ZMIZ1: variants seen among roughly 807,000 people sequenced by gnomAD.
ZMIZ1 encodes zinc finger MIZ-type containing 1.
A neutral mutation model predicts 113.9 loss-of-function variants in ZMIZ1; 17 were observed. That is an observed-to-expected ratio of 0.15 (90% CI 0.10 to 0.22). The LOEUF is 0.22. Among genes scored for constraint, ZMIZ1 ranks in the 10% least tolerant of loss-of-function variants. The pLI, the probability that ZMIZ1 is intolerant of heterozygous loss-of-function variation, is 1.00. For missense variants in ZMIZ1, 1,059 were observed against 1,477.8 expected, an observed-to-expected ratio of 0.72 and a Z score of 4.65; for synonymous variants, 607 against 603.1, an observed-to-expected ratio of 1.01 and a Z score of -0.09.
chr10:79,077,729 T>C (rs1842522760), intron 1 of ZMIZ1, among the ~76,000 whole-genome samples: 1 of 152,232 alleles, frequency 6.6e-6, no homozygotes, highest in Non-Finnish European at 1.5e-5. Context: ...CTTCTCCGAC[T>C]TTGGTCTCCA....
chr10:79,073,956 T>C (rs1037593823), intron 1 of ZMIZ1, among the ~76,000 whole-genome samples: 1 of 152,092 alleles, frequency 6.6e-6, no homozygotes, highest in Non-Finnish European at 1.5e-5. Context: ...GAGCCCACAG[T>C]CCAGTGCCGG....
intron 12 of ZMIZ1, chr10:79,295,113 T>A (rs980558839): frequency 6.6e-6 from 1 of 152,168 alleles, no homozygotes; most frequent in Non-Finnish European, 1.5e-5. Context: ...TCAGGCCCCA[T>A]GCAGTTTCTA....
chr10:79,225,601 G>T (rs773532330), intron 7 of ZMIZ1, among the ~76,000 whole-genome samples: 1 of 152,088 alleles, frequency 6.6e-6, no homozygotes, highest in African/African-American at 2.4e-5. Context: ...GGGAGGTAAA[G>T]GGTGAAGGGG....
At chr10:79,298,641 A>G in intron 15 of ZMIZ1, 61 bp downstream of exon 15, 1 of 1,474,976 alleles carries the variant, frequency 6.8e-7, no homozygotes, top group Non-Finnish European at 9.2e-7. Context: ...GGCCGGGAGC[A>G]GGGGCTTCGC....
chr10:79,217,267 C>CA (rs1455829908), intron 7 of ZMIZ1, among the ~76,000 whole-genome samples: 1 of 151,812 alleles, frequency 6.6e-6, no homozygotes, highest in Non-Finnish European at 1.5e-5. Flanking sequence ...ACTAAAAATA[C>CA]AAAAAAAATT....
At chr10:79,311,509 C>G (rs985970511) in intron 24 of ZMIZ1, among the ~76,000 whole-genome samples, 3 of 152,188 alleles carry the variant, frequency 2.0e-5, no homozygotes, top group Non-Finnish European at 4.4e-5. Context: ...CGATGGTGAG[C>G]TTGCGGTTTC....
At chr10:79,147,130 C>T (rs772807808) in intron 3 of ZMIZ1, among the ~76,000 whole-genome samples, 2 of 152,142 alleles carry the variant, frequency 1.3e-5, no homozygotes, top group African/African-American at 2.4e-5. Flanking sequence ...CAGCGAGGAT[C>T]GCCATGGGCA....
intron 1 of ZMIZ1, among the ~76,000 whole-genome samples, chr10:79,106,536 C>G (rs1440843082): frequency 6.6e-6 from 1 of 152,206 alleles, no homozygotes; most frequent in Non-Finnish European, 1.5e-5. Context: ...TCGCCAGCAC[C>G]CAGCTTGGCG....
intron 7 of ZMIZ1, among the ~76,000 whole-genome samples, chr10:79,252,218 C>T (rs1208220455): frequency 5.3e-5 from 8 of 152,164 alleles, no homozygotes; most frequent in Non-Finnish European, 1.0e-4. Context: ...TATGTACCCA[C>T]CCTGCCTAGA....
intron 20 of ZMIZ1, 124 bp from the exon 21 acceptor site, chr10:79,305,409 C>T: frequency 8.0e-7 from 1 of 1,257,302 alleles, no homozygotes; most frequent in South Asian, 1.2e-5. Flanking sequence ...GAGTCCCCCT[C>T]TCTTGTGCCT....
intron 4 of ZMIZ1, among the ~76,000 whole-genome samples, chr10:79,170,492 T>C (rs1846552693): frequency 6.6e-6 from 1 of 152,224 alleles, no homozygotes; most frequent in Non-Finnish European, 1.5e-5. Context: ...ATGCCATTTA[T>C]TGGCCATTCC....
chr10:79,300,588 G>A (rs1462622431), intron 16 of ZMIZ1, 144 bp from the exon 17 acceptor site: 1 of 1,060,642 alleles, frequency 9.4e-7, no homozygotes, highest in African/African-American at 1.6e-5. Context: ...ACTCAGGCTG[G>A]GGGAATCATT....
intron 1 of ZMIZ1, among the ~76,000 whole-genome samples, chr10:79,102,698 C>T (rs1308714860): frequency 6.6e-6 from 1 of 152,240 alleles, no homozygotes; most frequent in Non-Finnish European, 1.5e-5. Context: ...TAGCACCAGG[C>T]GGCCTTGCTG....
intron 16 of ZMIZ1, among the ~76,000 whole-genome samples, chr10:79,299,523 C>T (rs983716270): frequency 1.3e-5 from 2 of 152,194 alleles, no homozygotes; most frequent in African/African-American, 4.8e-5. Context: ...GTCAAGAATT[C>T]GAGTGTGACT....
intron 7 of ZMIZ1, among the ~76,000 whole-genome samples, chr10:79,253,241 A>G (rs1850658679): frequency 6.6e-6 from 1 of 152,224 alleles, no homozygotes; most frequent in African/African-American, 2.4e-5. Flanking sequence ...ATAAACATGC[A>G]GTTGAACATG....
At chr10:79,243,255 GCCCCGTGCGCCCCCGCC>G (rs1387884287) in intron 7 of ZMIZ1, among the ~76,000 whole-genome samples, 2 of 150,120 alleles carry the variant, frequency 1.3e-5, no homozygotes, top group South Asian at 2.1e-4. Context: ...TCTCCGGCGC[GCCCCGTGCGCCCCCGCC>G]CCCCGCGCGC....
At chr10:79,250,994 GA>G (rs1850519806) in intron 7 of ZMIZ1, among the ~76,000 whole-genome samples, 1 of 152,188 alleles carries the variant, frequency 6.6e-6, no homozygotes, top group Non-Finnish European at 1.5e-5. Context: ...CGCGCAGGGA[GA>G]AGGCACAGGA....
At chr10:79,181,391 C>T (rs1234672598) in intron 4 of ZMIZ1, among the ~76,000 whole-genome samples, 1 of 152,208 alleles carries the variant, frequency 6.6e-6, no homozygotes, top group Admixed American at 6.5e-5. Flanking sequence ...CGTTTGTAGC[C>T]TTGTCCTCCT....
At chr10:79,148,641 G>A (rs956593460) in intron 3 of ZMIZ1, among the ~76,000 whole-genome samples, 3 of 123,310 alleles carry the variant, frequency 2.4e-5, no homozygotes, top group African/African-American at 1.1e-4. Context: ...TGGATTCTGG[G>A]CCGGGGTTTT....
Sources: allele counts gnomAD v4.1 joint callset (sites outside exome capture counted in the v4.1 genomes callset), GRCh38; gene constraint gnomAD v4.1.1; transcripts MANE v1.5; gene names NCBI Gene and HGNC (gene_info 2026-07-23, HGNC 2026-07-21).